The following RNF175 variants were observed in gnomAD, a reference collection of about 807,000 sequenced individuals.
RNF175 encodes ring finger protein 175.
In RNF175, 38 loss-of-function variants were observed where a neutral mutation model predicts 50.0. The observed-to-expected ratio is 0.76, with a 90% confidence interval of 0.59 to 1.00. The LOEUF (loss-of-function observed/expected upper bound fraction) is 1.00. Ranked by LOEUF, RNF175 falls within the 50% of genes least tolerant of loss-of-function variation. RNF175 has a pLI of 0.00. For synonymous variants in RNF175, 155 were observed against 146.1 expected, an observed-to-expected ratio of 1.06 and a Z score of -0.44; for missense variants, 388 against 409.6, an observed-to-expected ratio of 0.95 and a Z score of 0.46.
In RNF175 at chr4:153,759,834, G is replaced by T; in HGVS notation, c.29C>A (p.Ala10Glu). The T allele has an allele frequency of 6.8e-7, 1 of 1,464,258 alleles. No individual in the cohort carries two copies. Among genetic ancestry groups the T allele is most frequent in the Non-Finnish European group, 9.0e-7 (1 of 1,115,826 alleles). The allele number at this position is 1,464,258 out of a possible 1,614,324, so 90.7% of individuals were successfully genotyped here. A position where few individuals can be genotyped will look rare whatever the true frequency, so the allele number is the denominator to read the frequency against. The change falls in exon 1 of 9, where the codon GCA (alanine) becomes GAA (glutamate). Residue 10 changes from alanine to glutamate, a missense_variant. Physicochemically the swap from Ala to Glu is moderately radical, Grantham distance 107. Coordinates refer to ENST00000347063, the MANE Select transcript of RNF175 (RefSeq NM_173662.4). ...CGGGGGGGCCTCCAGCACCGGCGCT[G>T]CCTTCCGCGCCGCCGTCCCCGCGGC... MAAGTAARK[A>E]APVLEAPPQQ...
chr4:153,724,161 G>A (rs1488185617), intron 4 of RNF175, among the ~76,000 whole-genome samples: 6 of 152,196 alleles, frequency 3.9e-5, no homozygotes, highest in African/African-American at 9.7e-5. Context: ...GATGGAGGGC[G>A]AGTGGAGAGA....
chr4:153,734,914 G>A (rs2606334), intron 3 of RNF175, among the ~76,000 whole-genome samples: 26,751 of 151,858 alleles, frequency 0.18, 3,073 homozygotes, highest in Non-Finnish European at 0.25. Flanking sequence ...CTGACCTAGT[G>A]ATCTGCCCAC....
chr4:153,733,045 C>A (rs1044823710), intron 3 of RNF175, among the ~76,000 whole-genome samples: 2 of 152,114 alleles, frequency 1.3e-5, no homozygotes, highest in African/African-American at 4.8e-5. Flanking sequence ...TAAACCATTT[C>A]TTTTGCTTTA....
chr4:153,743,857 A>T (rs889361601), intron 3 of RNF175, among the ~76,000 whole-genome samples: 3 of 152,130 alleles, frequency 2.0e-5, no homozygotes, highest in South Asian at 2.1e-4. Context: ...AACTCAGATG[A>T]CTCCAGCTAA....
chr4:153,715,574 T>G lies in RNF175; in HGVS notation c.719A>C (p.Glu240Ala), dbSNP rs1308150814. Residue 240 changes from glutamate to alanine, a missense_variant, in exon 7 of 9, where the codon GAA becomes GCA. Coordinates refer to ENST00000347063, the MANE Select transcript of RNF175 (RefSeq NM_173662.4). ...CGQKIIVELD[E>A]EGLIENTYQL... ...GTAGGTGTTTTCAATGAGCCCTTCT[T>G]CATCAAGCTCCACAATGATCTTCTG... 4 of 1,612,820 alleles carry G rather than the reference T, an allele frequency of 2.5e-6. No individual in the cohort carries two copies. Among genetic ancestry groups the G allele is most frequent in the Non-Finnish European group, 2.5e-6 (3 of 1,179,346 alleles).
intron 6 of RNF175, among the ~76,000 whole-genome samples, chr4:153,719,817 G>A (rs1358493698): frequency 6.6e-6 from 1 of 152,104 alleles, no homozygotes; most frequent in African/African-American, 2.4e-5. Flanking sequence ...CATTAGGCAG[G>A]GTTTCAGACA....
rs1182285035 is a variant in RNF175, at chr4:153,759,830, C to T, written c.33G>A (p.Ala11=). Residue 11 remains alanine (A), a synonymous_variant, in exon 1 of 9, where the codon GCG becomes GCA. Transcript: ENST00000347063. MAAGTAARKA[A]PVLEAPPQQE... ...GCTGCGGGGGGGCCTCCAGCACCGG[C>T]GCTGCCTTCCGCGCCGCCGTCCCCG... is the stretch of plus-strand genomic sequence containing the variant. 1.8e-5 allele frequency: 27 copies of T among 1,466,942 alleles called. No homozygotes were observed. The highest frequency in any genetic ancestry group is 2.4e-5 in the Non-Finnish European group (27 of 1,117,152). The allele number at this position is 1,466,942 out of a possible 1,614,324, so 90.9% of individuals were successfully genotyped here.
At chr4:153,733,875 C>T (rs1410697070) in intron 3 of RNF175, among the ~76,000 whole-genome samples, 1 of 152,224 alleles carries the variant, frequency 6.6e-6, no homozygotes, top group African/African-American at 2.4e-5. Context: ...TTATTTTCCT[C>T]TCTTCCCCTC....
At chr4:153,750,657 T>TAAACAAAC (rs57273214) in intron 2 of RNF175, among the ~76,000 whole-genome samples, 102,947 of 151,212 alleles carry the variant, frequency 0.68, 36,029 homozygotes, top group Middle Eastern at 0.8. Context: ...GAAGCTCATT[T>TAAACAAAC]AAACAAACAA....
chr4:153,742,628 T>G (rs983091861), intron 3 of RNF175, among the ~76,000 whole-genome samples: 32 of 152,110 alleles, frequency 2.1e-4, no homozygotes, highest in African/African-American at 6.8e-4. Flanking sequence ...ACTAGTGAGG[T>G]TGGATTCTAG....
chr4:153,722,590 C>T (rs1019361241), intron 5 of RNF175, among the ~76,000 whole-genome samples: 1 of 152,144 alleles, frequency 6.6e-6, no homozygotes. Flanking sequence ...CAGGCATGAG[C>T]CACGGCGCCC....
chr4:153,740,182 A>C (rs1037610514), intron 3 of RNF175, among the ~76,000 whole-genome samples: 1 of 148,182 alleles, frequency 6.7e-6, no homozygotes, highest in Non-Finnish European at 1.5e-5. Context: ...TTTTTGTTTT[A>C]TTTTTAGCAT....
At chr4:153,718,222 G>GTTTTTTTTT (rs1460898288) in intron 6 of RNF175, among the ~76,000 whole-genome samples, 1,151 of 37,424 alleles carry the variant, frequency 0.031, 297 homozygotes, top group Non-Finnish European at 0.045. Context: ...TTTTTTGTTT[G>GTTTTTTTTT]TTTGTTTGTT....
At chr4:153,737,149 A>G (rs1171155871) in intron 3 of RNF175, among the ~76,000 whole-genome samples, 1 of 152,040 alleles carries the variant, frequency 6.6e-6, no homozygotes, top group Non-Finnish European at 1.5e-5. Context: ...TGAGTCACTA[A>G]GCCTAGCCCA....
intron 3 of RNF175, among the ~76,000 whole-genome samples, chr4:153,746,378 C>A (rs376748870): frequency 4.6e-5 from 7 of 152,234 alleles, no homozygotes; most frequent in South Asian, 4.1e-4. Context: ...GCCTTGCCCC[C>A]CCATGGCTTT....
Position 153,759,808 on chromosome 4 carries a change from G to GA in RNF175, c.54_55insT (p.Gln19SerfsTer156). 1 of 1,478,436 alleles carries GA rather than the reference G, an allele frequency of 6.8e-7. No homozygotes were observed. Among genetic ancestry groups the GA allele is most frequent in the Non-Finnish European group, 8.9e-7 (1 of 1,122,682 alleles). 91.6% of individuals were successfully genotyped at this position (1,478,436 alleles called of 1,614,324 possible). A position where few individuals can be genotyped will look rare whatever the true frequency, so the allele number is the denominator to read the frequency against. On this transcript the variant is annotated frameshift_variant, in exon 1 of 9. Coordinates refer to ENST00000347063, the MANE Select transcript of RNF175 (RefSeq NM_173662.4). LOFTEE classifies it high-confidence loss of function. The stretch of plus-strand genomic sequence containing the variant: ...CCCCGCGCCAGTACCTGCTCCTGCT[G>GA]CGGGGGGGCCTCCAGCACCGGCGCT...
At chr4:153,732,968 C>T (rs1283344653) in intron 3 of RNF175, among the ~76,000 whole-genome samples, 1 of 152,168 alleles carries the variant, frequency 6.6e-6, no homozygotes, top group Non-Finnish European at 1.5e-5. Flanking sequence ...GAATTTCCCA[C>T]CTTCTTTCCA....
intron 3 of RNF175, among the ~76,000 whole-genome samples, chr4:153,728,585 C>T (rs887575641): frequency 6.6e-6 from 1 of 152,166 alleles, no homozygotes; most frequent in Non-Finnish European, 1.5e-5. Context: ...ATCCAAAATA[C>T]CCGCCCTCTG....
chr4:153,741,093 A>T (rs1739632186), intron 3 of RNF175, among the ~76,000 whole-genome samples: 1 of 152,196 alleles, frequency 6.6e-6, no homozygotes, highest in South Asian at 2.1e-4. Flanking sequence ...TAGTGGGAGC[A>T]TTCTGTTATC....
Sources: allele counts gnomAD v4.1 joint callset (sites outside exome capture counted in the v4.1 genomes callset), GRCh38; gene constraint gnomAD v4.1.1; transcripts MANE v1.5; gene names NCBI Gene and HGNC (gene_info 2026-07-23, HGNC 2026-07-21).